TMOD1: variants seen among roughly 807,000 people sequenced by gnomAD.
TMOD1 encodes tropomodulin 1.
A neutral mutation model predicts 40.6 loss-of-function variants in TMOD1; 17 were observed. That is an observed-to-expected ratio of 0.42 (90% CI 0.29 to 0.63). TMOD1 has a LOEUF of 0.63. Ranked by LOEUF, TMOD1 falls within the 20% of genes least tolerant of loss-of-function variation. The pLI, the probability that TMOD1 is intolerant of heterozygous loss-of-function variation, is 0.22. For synonymous variants in TMOD1, 181 were observed against 175.0 expected (o/e 1.03, Z -0.27); for missense variants, 391 against 447.6 (o/e 0.87, Z 1.14).
chr9:97,562,922 C>A, intron 5 of TMOD1, 101 bp downstream of exon 5: 1 of 906,612 alleles, frequency 1.1e-6, no homozygotes, highest in Non-Finnish European at 1.7e-6. Context: ...TGTTATATAG[C>A]CAAATCTGTT....
chr9:97,568,755 C>T, intron 7 of TMOD1, 139 bp from the exon 8 acceptor site: 1 of 970,684 alleles, frequency 1.0e-6, no homozygotes, highest in African/African-American at 1.6e-5. Context: ...AGGAGAGACA[C>T]AGTCAGAGTT....
intron 8 of TMOD1, among the ~76,000 whole-genome samples, chr9:97,574,773 G>T (rs1041177243): frequency 1.3e-5 from 2 of 152,192 alleles, no homozygotes; most frequent in Admixed American, 6.5e-5. Context: ...GTTTGCAAAT[G>T]CACCAATTGA....
Position 97,599,959 on chromosome 9 carries a change from A to T in TMOD1, c.*261A>T. The T allele has an allele frequency of 1.6e-6, 2 of 1,243,818 alleles. No homozygotes were observed. The highest frequency in any genetic ancestry group is 2.0e-6 in the Non-Finnish European group (2 of 983,814). The allele number at this position is 1,243,818 out of a possible 1,614,324, so 77.0% of individuals were successfully genotyped here. A position where few individuals can be genotyped will look rare whatever the true frequency, so the allele number is the denominator to read the frequency against. ...AGAAGCCCCCAAACCAGCAGATCTT[A>T]CTGAAGATGATGTTCCAGCAGCAGC... On this transcript the variant is annotated 3_prime_UTR_variant, in exon 10 of 10. Coordinates refer to ENST00000259365, the MANE Select transcript of TMOD1 (RefSeq NM_003275.4).
At chr9:97,597,366 G>T (rs1436717575) in intron 9 of TMOD1, among the ~76,000 whole-genome samples, 2 of 152,164 alleles carry the variant, frequency 1.3e-5, no homozygotes, top group African/African-American at 4.8e-5. Context: ...CTGAATAAAT[G>T]GATGCCTTTC....
rs1829740206 is a variant in TMOD1, at chr9:97,513,419, G to T, written c.-48-10722G>T. The stretch of plus-strand genomic sequence containing the variant: ...GGGGTAGGGATTTCAGCCCAGGTTT[G>T]CATGACCCCTAGTTCAAGCTCTCAT... On this transcript the variant is annotated intron_variant, in intron 1 of 9. Transcript: ENST00000259365. The surrounding 1 kb of genome is among the most constrained non-coding windows in gnomAD (Gnocchi z 4.1). Among the ~76,000 whole-genome samples, 1 of 152,184 alleles carries T rather than the reference G, an allele frequency of 6.6e-6. No individual in the cohort carries two copies. The highest frequency in any genetic ancestry group is 2.4e-5 in the African/African-American group (1 of 41,450).
intron 1 of TMOD1, among the ~76,000 whole-genome samples, chr9:97,515,202 A>G (rs1829784494): frequency 1.0e-4 from 1 of 9,554 alleles, no homozygotes; most frequent in Admixed American, 6.3e-4. Flanking sequence ...AACAAAAATG[A>G]AAAAAAAAAA....
chr9:97,590,471 C>G lies in TMOD1; in HGVS notation c.871-820C>G, dbSNP rs138267532. Among the ~76,000 whole-genome samples, 16 of 152,148 alleles carry G rather than the reference C, an allele frequency of 1.1e-4. No individual in the cohort carries two copies. In the East Asian group the frequency reaches 3.1e-3, roughly 29 times the overall value. On this transcript the variant is annotated intron_variant, in intron 8 of 9. Coordinates refer to ENST00000259365, the MANE Select transcript of TMOD1 (RefSeq NM_003275.4). ...GAACTCCTTAGCTCAGGCAGACTGC[C>G]CACCTCCGCCTCCCAAAGTGCTAGG... is the stretch of plus-strand genomic sequence containing the variant.
At chr9:97,562,544 C>G (rs559086818) in intron 4 of TMOD1, among the ~76,000 whole-genome samples, 188 bp from the exon 5 acceptor site, 37 of 152,282 alleles carry the variant, frequency 2.4e-4, no homozygotes, top group African/African-American at 8.9e-4. Flanking sequence ...GCAGCCTGGG[C>G]TGGGGCTGGG....
At chr9:97,517,356 A>G (rs1380429092) in intron 1 of TMOD1, among the ~76,000 whole-genome samples, 1 of 152,080 alleles carries the variant, frequency 6.6e-6, no homozygotes, top group Non-Finnish European at 1.5e-5. Flanking sequence ...AAAGTTTAAA[A>G]TAAGAGAAAG....
chr9:97,545,318 C>A (rs1033746319), intron 2 of TMOD1, among the ~76,000 whole-genome samples: 6 of 152,236 alleles, frequency 3.9e-5, no homozygotes, highest in African/African-American at 1.4e-4. Context: ...ATCCTTGCAG[C>A]TATAAACTTC....
At chr9:97,563,287 A>C (rs1215585088) in intron 5 of TMOD1, among the ~76,000 whole-genome samples, 1 of 152,170 alleles carries the variant, frequency 6.6e-6, no homozygotes, top group Non-Finnish European at 1.5e-5. Flanking sequence ...TCCTGGACTC[A>C]AGCAATCCTC....
chr9:97,570,739 G>A (rs932915), intron 8 of TMOD1, among the ~76,000 whole-genome samples: 2,907 of 152,288 alleles, frequency 0.019, 55 homozygotes, highest in Non-Finnish European at 0.031. Context: ...GGAGTGCCTG[G>A]TAAGTAAGTT....
At chr9:97,550,930 T>C (rs1031888055) in intron 3 of TMOD1, among the ~76,000 whole-genome samples, 2 of 150,232 alleles carry the variant, frequency 1.3e-5, no homozygotes, top group African/African-American at 2.4e-5. Flanking sequence ...TTATCATATC[T>C]AGGACTCCAC....
At position 97,557,693 on chromosome 9, in the gene TMOD1, C is replaced by G. The variant is rs1830556908; in HGVS notation, c.397+4293C>G. On this transcript the variant is annotated intron_variant, in intron 4 of 9. Transcript: ENST00000259365. This position sits in a 1 kb window ranked among gnomAD's most constrained non-coding sequence, Gnocchi z 4.4. ...ACATCTTCCAGCCATCTGCCCAGAG[C>G]CAGCCCGAGCAGCTGGCAGCAGGAG... Among the ~76,000 whole-genome samples, 1 of 152,190 alleles carries G rather than the reference C, an allele frequency of 6.6e-6. No individual in the cohort carries two copies. The highest frequency in any genetic ancestry group is 1.5e-5 in the Non-Finnish European group (1 of 68,028).
intron 8 of TMOD1, among the ~76,000 whole-genome samples, chr9:97,574,338 G>A (rs373275404): frequency 1.3e-5 from 2 of 152,106 alleles, no homozygotes; most frequent in African/African-American, 4.8e-5. Flanking sequence ...CGCCGGCTCC[G>A]GGCAGTGAGG....
chr9:97,598,355 G>A (rs1218381797), intron 9 of TMOD1, among the ~76,000 whole-genome samples: 2 of 148,434 alleles, frequency 1.3e-5, no homozygotes, highest in Non-Finnish European at 3.0e-5. Flanking sequence ...AAAAAGGCTT[G>A]GTCCTGTCTG....
At chr9:97,582,848 T>G (rs1825787102) in intron 8 of TMOD1, among the ~76,000 whole-genome samples, 1 of 146,694 alleles carries the variant, frequency 6.8e-6, no homozygotes, top group Non-Finnish European at 1.5e-5. Flanking sequence ...GTACATTGAT[T>G]TTGTATCCTG....
chr9:97,535,325 G>A (rs866437061), intron 2 of TMOD1, among the ~76,000 whole-genome samples: 1 of 152,050 alleles, frequency 6.6e-6, no homozygotes, highest in Non-Finnish European at 1.5e-5. Context: ...GAGACATTTC[G>A]GAACACTGCA....
rs549594070 is a variant in TMOD1 at position 97,518,556 on chromosome 9, T to G, written c.-48-5585T>G. Among the ~76,000 whole-genome samples, 38 of 152,382 alleles carry G rather than the reference T, an allele frequency of 2.5e-4. 1 individual carries two copies. Among genetic ancestry groups the G allele is most frequent in the African/African-American group, 9.1e-4 (38 of 41,598 alleles). On this transcript the variant is annotated intron_variant, in intron 1 of 9. Transcript: ENST00000259365. ...CAACTCCTCTTTTTGGTTTTTTCTT[T>G]GTCTTGGGCCACCTTGGGACCTTGT...
Sources: allele counts gnomAD v4.1 joint callset (sites outside exome capture counted in the v4.1 genomes callset), GRCh38; gene constraint gnomAD v4.1.1; non-coding constraint Gnocchi (gnomAD v3.1); transcripts MANE v1.5; gene names NCBI Gene and HGNC (gene_info 2026-07-23, HGNC 2026-07-21).